Variants in KATNAL2 observed in about 807,000 individuals in gnomAD.
KATNAL2 encodes the protein katanin p60 ATPase-containing subunit A-like 2.
KATNAL2 carries 52 observed loss-of-function variants against 76.3 expected under a neutral mutation model. That is an observed-to-expected ratio of 0.68 (90% CI 0.55 to 0.86). The LOEUF (loss-of-function observed/expected upper bound fraction) is 0.86. Among genes scored for constraint, KATNAL2 ranks in the 40% least tolerant of loss-of-function variants. The probability of loss-of-function intolerance (pLI) is 0.00; values close to 1 mark genes in which losing one functional copy is unlikely to be tolerated. For synonymous variants in KATNAL2, 243 were observed against 244.2 expected (o/e 1.00, Z 0.05); for missense variants, 660 against 668.9 (o/e 0.99, Z 0.15).
chr18:47,069,071 G>A (rs2061908359), intron 11 of KATNAL2, 149 bp from the exon 12 acceptor site: 1 of 574,852 alleles, frequency 1.7e-6, no homozygotes. Flanking sequence ...GTTTATTTCG[G>A]TCAGAAGCAG....
chr18:46,922,473 T>TAA (rs1001619018), intron 1 of KATNAL2, among the ~76,000 whole-genome samples: 2 of 146,244 alleles, frequency 1.4e-5, no homozygotes, highest in East Asian at 3.9e-4. Flanking sequence ...ACTAGCCTTT[T>TAA]AAAAAAAAAA....
At chr18:46,924,107 T>G (rs533726711) in intron 1 of KATNAL2, among the ~76,000 whole-genome samples, 49 of 152,356 alleles carry the variant, frequency 3.2e-4, no homozygotes, top group Admixed American at 1.0e-3. Context: ...ATTTTGGCTT[T>G]TGTTGCCATT....
rs114670482 is a variant in KATNAL2 at position 47,031,342 on chromosome 18, C to T, written c.52-15115C>T. 6.8e-3 allele frequency among the ~76,000 whole-genome samples: 1,030 copies of T among 151,982 alleles called. 18 individuals carry two copies. The highest frequency in any genetic ancestry group is 0.023 in the African/African-American group (964 of 41,430). ...GATCCATTTGAAATATGTATGTTTT[C>T]GGCTTTTGTTTCTGCTGTCGTTGGC... On this transcript the variant is annotated intron_variant, in intron 3 of 17. Coordinates refer to ENST00000683218, the MANE Select transcript of KATNAL2 (RefSeq NM_001387690.1).
intron 3 of KATNAL2, among the ~76,000 whole-genome samples, chr18:46,961,741 T>G (rs1480269427): frequency 4.6e-5 from 7 of 152,196 alleles, no homozygotes; most frequent in African/African-American, 1.7e-4. Context: ...TTCACAGACC[T>G]GATATTCAGG....
At chr18:46,920,589 T>C (rs1044188769) in intron 1 of KATNAL2, among the ~76,000 whole-genome samples, 2 of 152,208 alleles carry the variant, frequency 1.3e-5, no homozygotes, top group Non-Finnish European at 2.9e-5. Context: ...AATTCTGAAA[T>C]AGGGTGCTAC....
rs374363035 is a variant in KATNAL2, at chr18:46,925,953, C to T, written c.-510+8027C>T. On this transcript the variant is annotated intron_variant, in intron 1 of 17. Transcript: ENST00000683218. ...ATATCCCCTTTATCATTTTTTATTG[C>T]GTCTATTTGATTCTTCTCTCTTTTC... Among the ~76,000 whole-genome samples, 16 of 151,938 alleles carry T rather than the reference C, an allele frequency of 1.1e-4. No individual in the cohort carries two copies. In the South Asian group the frequency reaches 1.9e-3, roughly 18 times the overall value.
chr18:47,083,128 C>G, intron 15 of KATNAL2, among the ~76,000 whole-genome samples: 1 of 152,290 alleles, frequency 6.6e-6, no homozygotes, highest in East Asian at 1.9e-4. Context: ...GACTAAAGTT[C>G]TGGTTGTTTC....
chr18:46,922,552 G>A (rs1429181826), intron 1 of KATNAL2, among the ~76,000 whole-genome samples: 3 of 151,802 alleles, frequency 2.0e-5, no homozygotes, highest in Non-Finnish European at 2.9e-5. Flanking sequence ...CCAGCACTTC[G>A]GGAGGCTGAG....
intron 3 of KATNAL2, among the ~76,000 whole-genome samples, chr18:47,036,436 C>T (rs977511144): frequency 6.6e-6 from 1 of 152,172 alleles, no homozygotes; most frequent in Non-Finnish European, 1.5e-5. Context: ...TTGCCATGAC[C>T]TCTTCTCTTG....
chr18:46,958,001 G>A (rs1289204812), intron 3 of KATNAL2, among the ~76,000 whole-genome samples: 2 of 152,142 alleles, frequency 1.3e-5, no homozygotes, highest in Non-Finnish European at 2.9e-5. Flanking sequence ...TGGCCAGATT[G>A]CCCTCTTTAA....
chr18:47,062,659 G>C (rs2061671304), intron 8 of KATNAL2, among the ~76,000 whole-genome samples: 1 of 152,146 alleles, frequency 6.6e-6, no homozygotes, highest in East Asian at 1.9e-4. Context: ...AATATTTTAA[G>C]AGGATAAGAC....
chr18:47,033,954 C>T, intron 3 of KATNAL2: 1 of 1,613,200 alleles, frequency 6.2e-7, no homozygotes, highest in Non-Finnish European at 8.5e-7. Context: ...GCCTCTCTGA[C>T]TGGCTTTCCT....
chr18:47,091,013 T>C (rs886148096), intron 15 of KATNAL2, among the ~76,000 whole-genome samples: 6 of 152,242 alleles, frequency 3.9e-5, no homozygotes, highest in African/African-American at 1.4e-4. Flanking sequence ...AAACTGAAGG[T>C]TGGTTTCTCT....
intron 1 of KATNAL2, among the ~76,000 whole-genome samples, chr18:46,932,578 G>A (rs1260861824): frequency 1.3e-5 from 2 of 148,160 alleles, no homozygotes. Context: ...GGAGGCTGAG[G>A]CATGAGAATC....
chr18:47,059,997 A>ATT (rs34651069), intron 8 of KATNAL2, among the ~76,000 whole-genome samples: 73,309 of 146,318 alleles, frequency 0.5, 18,402 homozygotes, highest in Admixed American at 0.57. Flanking sequence ...CGTTCTCATC[A>ATT]TTTTTTTTTT....
intron 1 of KATNAL2, among the ~76,000 whole-genome samples, chr18:46,936,699 C>A (rs1256650330): frequency 6.6e-6 from 1 of 152,140 alleles, no homozygotes; most frequent in Non-Finnish European, 1.5e-5. Flanking sequence ...TGCCTGTAAT[C>A]CCAGCACTTT....
chr18:47,044,787 A>AAAAAAAG (rs2061098461), intron 3 of KATNAL2, among the ~76,000 whole-genome samples: 1 of 151,062 alleles, frequency 6.6e-6, no homozygotes, highest in African/African-American at 2.4e-5. Context: ...ACAAAAACAA[A>AAAAAAAG]AACAGTTTAA....
chr18:46,940,488 T>A (rs1009855167), intron 1 of KATNAL2, among the ~76,000 whole-genome samples: 1 of 152,242 alleles, frequency 6.6e-6, no homozygotes, highest in Non-Finnish European at 1.5e-5. Context: ...ATACATTTTT[T>A]AGAAACATAG....
At chr18:46,925,869 C>CAA (rs1568975500) in intron 1 of KATNAL2, among the ~76,000 whole-genome samples, 1 of 152,080 alleles carries the variant, frequency 6.6e-6, no homozygotes, top group Non-Finnish European at 1.5e-5. Flanking sequence ...AGTTTATTTG[C>CAA]GTAGAGGTGT....
Sources: gnomAD v4.1 joint callset for allele counts (sites outside exome capture counted in the v4.1 genomes callset) on GRCh38, gnomAD v4.1.1 for gene constraint, MANE v1.5 for transcripts, NCBI Gene and HGNC (gene_info 2026-07-23, HGNC 2026-07-21) for gene names.